The following ZNF407 variants were observed in gnomAD, a reference collection of about 807,000 sequenced individuals.
ZNF407 encodes zinc finger protein 407.
A neutral mutation model predicts 131.2 loss-of-function variants in ZNF407; 17 were observed. The ratio of observed to expected loss-of-function variants is 0.13; its 90% CI spans 0.09 to 0.19. The LOEUF is 0.19. Among genes scored for constraint, ZNF407 ranks in the 10% least tolerant of loss-of-function variants. The pLI, the probability that ZNF407 is intolerant of heterozygous loss-of-function variation, is 1.00. For missense variants in ZNF407, 2,681 were observed against 2,830.6 expected (o/e 0.95, Z 1.20); for synonymous variants, 1,156 against 1,062.0 (o/e 1.09, Z -1.72).
chr18:74,792,339 C>T (rs1969841902), intron 4 of ZNF407, among the ~76,000 whole-genome samples: 1 of 151,584 alleles, frequency 6.6e-6, no homozygotes, highest in Non-Finnish European at 1.5e-5. Context: ...AAATTAGACC[C>T]AAATTTTCTT....
chr18:74,936,397 C>T (rs1258871401), intron 8 of ZNF407, among the ~76,000 whole-genome samples: 1 of 152,154 alleles, frequency 6.6e-6, no homozygotes, highest in Non-Finnish European at 1.5e-5. Flanking sequence ...TTGATATAGA[C>T]CCCAAATCTG....
intron 3 of ZNF407, among the ~76,000 whole-genome samples, chr18:74,658,602 A>G (rs543406233): frequency 1.2e-4 from 19 of 152,324 alleles, no homozygotes; most frequent in African/African-American, 2.6e-4. Flanking sequence ...AAAATGCTCA[A>G]TATGATTACT....
chr18:74,784,377 G>C (rs1969664898), intron 4 of ZNF407, among the ~76,000 whole-genome samples: 1 of 152,148 alleles, frequency 6.6e-6, no homozygotes, highest in African/African-American at 2.4e-5. Flanking sequence ...TGCTTTGACT[G>C]ATATATGCAA....
intron 8 of ZNF407, among the ~76,000 whole-genome samples, chr18:74,991,693 A>G (rs1015016135): frequency 6.6e-6 from 1 of 152,120 alleles, no homozygotes; most frequent in African/African-American, 2.4e-5. Flanking sequence ...CTATGTTCAG[A>G]TTTCTCTAAC....
chr18:74,617,578 T>C (rs1001393667), intron 1 of ZNF407, among the ~76,000 whole-genome samples: 60 of 152,342 alleles, frequency 3.9e-4, no homozygotes, highest in Non-Finnish European at 5.6e-4. Flanking sequence ...AATACATTCC[T>C]CTTTTTGTAT....
At chr18:74,884,980 G>A (rs923941882) in intron 6 of ZNF407, among the ~76,000 whole-genome samples, 4 of 152,114 alleles carry the variant, frequency 2.6e-5, no homozygotes, top group African/African-American at 9.7e-5. Flanking sequence ...AAAGAAAATA[G>A]CAGTGAGTTT....
rs555415591 is a variant in ZNF407 at position 74,635,825 on chromosome 18, C to T, written c.4687+119C>T. ...TTCCACCCGGTTCACATTTCACTGCCGTGTGCTGCTCTGCTTGTCTGCAAT... is the reference window on the plus strand; with the variant it reads ...TTCCACCCGGTTCACATTTCACTGCTGTGTGCTGCTCTGCTTGTCTGCAAT... On this transcript the variant is annotated intron_variant, in intron 2 of 8. Transcript: ENST00000299687. This position sits in a 1 kb window ranked among gnomAD's most constrained non-coding sequence, Gnocchi z 4.7. The T allele has an allele frequency of 3.3e-5, 44 of 1,353,506 alleles. No homozygotes were observed. In the South Asian group the frequency reaches 4.0e-4, roughly 12 times the overall value. 83.8% of individuals were successfully genotyped at this position (1,353,506 alleles called of 1,614,324 possible). A position where few individuals can be genotyped will look rare whatever the true frequency, so the allele number is the denominator to read the frequency against.
At chr18:74,620,386 A>G (rs1485627867) in intron 1 of ZNF407, among the ~76,000 whole-genome samples, 1 of 152,184 alleles carries the variant, frequency 6.6e-6, no homozygotes, top group Non-Finnish European at 1.5e-5. Context: ...AATGAAAGGA[A>G]TGCTGGTCTC....
At chr18:74,842,523 A>G (rs1970647892) in intron 4 of ZNF407, among the ~76,000 whole-genome samples, 1 of 151,834 alleles carries the variant, frequency 6.6e-6, no homozygotes, top group Non-Finnish European at 1.5e-5. Context: ...CTATCCTCGT[A>G]TTGTTCCTTG....
At chr18:74,627,830 T>C (rs1224315815) in intron 1 of ZNF407, among the ~76,000 whole-genome samples, 30 of 131,626 alleles carry the variant, frequency 2.3e-4, no homozygotes, top group South Asian at 1.4e-3. Flanking sequence ...TGCCCTGCCC[T>C]GCCCCGCCCC....
chr18:74,638,914 C>CT (rs1426805563), intron 2 of ZNF407, among the ~76,000 whole-genome samples: 1 of 151,764 alleles, frequency 6.6e-6, no homozygotes, highest in African/African-American at 2.4e-5. Context: ...AAAAAAGGGC[C>CT]CTTTTTTTTT....
chr18:75,035,105 A>T (rs1973292566), intron 8 of ZNF407, among the ~76,000 whole-genome samples: 1 of 152,214 alleles, frequency 6.6e-6, no homozygotes, highest in Admixed American at 6.5e-5. Flanking sequence ...GGCAGCTCTC[A>T]TGTAATTTAT....
chr18:74,875,276 GTCTTAGT>G (rs1279810228), intron 4 of ZNF407, among the ~76,000 whole-genome samples: 1 of 152,116 alleles, frequency 6.6e-6, no homozygotes, highest in Non-Finnish European at 1.5e-5. Flanking sequence ...TCAAGTGGTG[GTCTTAGT>G]TCTTTGTTAT....
chr18:75,021,237 G>A (rs1394325425), intron 8 of ZNF407, among the ~76,000 whole-genome samples: 1 of 151,742 alleles, frequency 6.6e-6, no homozygotes, highest in African/African-American at 2.4e-5. Flanking sequence ...ATTTATATTT[G>A]TGTGTTTTAT....
chr18:75,009,738 T>C (rs1182951923), intron 8 of ZNF407, among the ~76,000 whole-genome samples: 1 of 152,136 alleles, frequency 6.6e-6, no homozygotes, highest in African/African-American at 2.4e-5. Flanking sequence ...CATAGATAGC[T>C]TCAGTAACTT....
intron 3 of ZNF407, among the ~76,000 whole-genome samples, chr18:74,728,149 A>G (rs1968204295): frequency 6.6e-6 from 1 of 152,200 alleles, no homozygotes; most frequent in Non-Finnish European, 1.5e-5. Flanking sequence ...GAGGGCTTGG[A>G]TAAGAGTATA....
At chr18:74,806,884 C>T (rs1970118115) in intron 4 of ZNF407, among the ~76,000 whole-genome samples, 1 of 152,188 alleles carries the variant, frequency 6.6e-6, no homozygotes, top group Non-Finnish European at 1.5e-5. Context: ...TTACCTCACA[C>T]CTATGATTAA....
intron 3 of ZNF407, among the ~76,000 whole-genome samples, chr18:74,744,253 T>G (rs909737099): frequency 3.9e-5 from 6 of 152,190 alleles, no homozygotes; most frequent in African/African-American, 1.4e-4. Flanking sequence ...TTTGGATACC[T>G]TCTTCATGTC....
intron 3 of ZNF407, among the ~76,000 whole-genome samples, chr18:74,767,271 G>A (rs1969256171): frequency 6.6e-6 from 1 of 152,060 alleles, no homozygotes; most frequent in Non-Finnish European, 1.5e-5. Flanking sequence ...GATTCACTTA[G>A]TTTATTACAA....
Sources: gnomAD v4.1 joint callset for allele counts (sites outside exome capture counted in the v4.1 genomes callset) on GRCh38, gnomAD v4.1.1 for gene constraint, Gnocchi (gnomAD v3.1) non-coding constraint, MANE v1.5 for transcripts, NCBI Gene and HGNC (gene_info 2026-07-23, HGNC 2026-07-21) for gene names.